Variants in NMUR2 observed in about 807,000 individuals in gnomAD.
The protein encoded by NMUR2 is neuromedin U receptor 2.
In NMUR2, 24 loss-of-function variants were observed where a neutral mutation model predicts 25.1. That is an observed-to-expected ratio of 0.96 (90% CI 0.69 to 1.34). The LOEUF is 1.34. Among genes scored for constraint, NMUR2 ranks in the 40% most tolerant of loss-of-function variants. NMUR2 has a pLI of 0.00. For missense variants in NMUR2, 533 were observed against 512.8 expected (o/e 1.04, Z -0.38); for synonymous variants, 218 against 208.1 (o/e 1.05, Z -0.41).
chr5:152,405,221 G>T lies in NMUR2; in HGVS notation c.-108C>A. 7.6e-7 allele frequency: 1 copy of T among 1,312,976 alleles called. No individual in the cohort carries two copies. The highest frequency in any genetic ancestry group is 1.0e-6 in the Non-Finnish European group (1 of 967,038). 81.3% of individuals were successfully genotyped at this position (1,312,976 alleles called of 1,614,324 possible). A position where few individuals can be genotyped will look rare whatever the true frequency, so the allele number is the denominator to read the frequency against. On this transcript the variant is annotated 5_prime_UTR_variant, in exon 1 of 4. Coordinates refer to ENST00000255262, the MANE Select transcript of NMUR2 (RefSeq NM_020167.5). ...AAAACAAAAAAGAGAAAGCAGTCAC[G>T]AAAGTCACAGGCTTCGTAAGGAAGG...
At chr5:152,394,050 G>A (rs1052232068) in intron 3 of NMUR2, among the ~76,000 whole-genome samples, 3 of 152,056 alleles carry the variant, frequency 2.0e-5, no homozygotes, top group Admixed American at 6.6e-5. Context: ...TAAAAGGGGG[G>A]AGATGGTATC....
intron 1 of NMUR2, among the ~76,000 whole-genome samples, chr5:152,399,730 C>T (rs920754722): frequency 1.3e-5 from 2 of 152,110 alleles, no homozygotes; most frequent in Non-Finnish European, 2.9e-5. Flanking sequence ...GGCTTCTGAA[C>T]TTTTCATGTC....
chr5:152,404,422 AC>A lies in NMUR2; in HGVS notation c.691del (p.Val231SerfsTer13). ...SFLFYLLPMT[V>X]ISVLYYLMAL... ...CATGAGGTAGTAGAGGACACTGATG[AC>A]AGTCATGGGGAGGAGGTAGAATAGG... On this transcript the variant is annotated frameshift_variant, in exon 1 of 4. Transcript: ENST00000255262. LOFTEE classifies it high-confidence loss of function. 6.2e-7 allele frequency: 1 copy of A among 1,614,002 alleles called. No homozygotes were observed. The highest frequency in any genetic ancestry group is 1.1e-5 in the South Asian group (1 of 91,058).
In NMUR2 at chr5:152,397,488, G is replaced by T. The variant is rs1307676866; in HGVS notation, c.811+572C>A. Among the ~76,000 whole-genome samples the T allele has an allele frequency of 2.6e-5, 4 of 152,004 alleles. No individual in the cohort carries two copies. In the East Asian group the frequency reaches 7.7e-4, roughly 29 times the overall value. On this transcript the variant is annotated intron_variant, in intron 2 of 3. Transcript: ENST00000255262. Reference sequence around the variant, plus strand: ...GGCTACTTGGAGATGCTTGCCAGATGTTCTTAACCTGGAACTAAAAGATCC... The same window carrying T: ...GGCTACTTGGAGATGCTTGCCAGATTTTCTTAACCTGGAACTAAAAGATCC...
At chr5:152,399,217 T>A (rs565346982) in intron 1 of NMUR2, among the ~76,000 whole-genome samples, 34 of 152,292 alleles carry the variant, frequency 2.2e-4, no homozygotes, top group South Asian at 2.1e-3. Context: ...TAGTACATAG[T>A]GAATATATAT....
rs1409491903 is a variant in NMUR2, at chr5:152,398,110, C to T, written c.761G>A (p.Gly254Glu). 6.2e-7 allele frequency: 1 copy of T among 1,613,156 alleles called. No individual in the cohort carries two copies. Among genetic ancestry groups the T allele is most frequent in the Non-Finnish European group, 8.5e-7 (1 of 1,179,422 alleles). The change falls in exon 2 of 4, where the codon GGG (glycine) becomes GAG (glutamate). Residue 254 changes from glycine to glutamate, a missense_variant. Physicochemically the swap from Gly to Glu is moderately conservative, Grantham distance 98. Transcript: ENST00000255262. ...KKDKSLEADE[G>E]NANIQRPCRK... ...GCAGGGTCTTTGAATATTTGCATTC[C>T]CTTCATCTGCCTCAAGAGATTTGTC...
intron 1 of NMUR2, among the ~76,000 whole-genome samples, chr5:152,399,717 C>T (rs1231438690): frequency 2.6e-5 from 4 of 152,146 alleles, no homozygotes; most frequent in Non-Finnish European, 5.9e-5. Context: ...CAAGAGCTAG[C>T]TCGGCTTCTG....
At chr5:152,404,041 C>T (rs1244669978) in intron 1 of NMUR2, among the ~76,000 whole-genome samples, 1 of 152,136 alleles carries the variant, frequency 6.6e-6, no homozygotes, top group South Asian at 2.1e-4. Flanking sequence ...TAAAATGAGG[C>T]TCCACCTCAG....
chr5:152,397,994 G>T, intron 2 of NMUR2, 66 bp downstream of exon 2: 1 of 1,100,936 alleles, frequency 9.1e-7, no homozygotes, highest in Non-Finnish European at 1.4e-6. Context: ...GCATTTAGTT[G>T]GTACCAAATG....
Position 152,404,535 on chromosome 5 carries a change from G to A in NMUR2, c.579C>T (p.Pro193=). 1 of 1,614,140 alleles carries A rather than the reference G, an allele frequency of 6.2e-7. No individual in the cohort carries two copies. The change falls in exon 1 of 4, where the codon CCC becomes CCT. Residue 193 remains proline, a synonymous_variant. Coordinates refer to ENST00000255262, the MANE Select transcript of NMUR2 (RefSeq NM_020167.5). ...CCGAACCTGGGACCAGGGACCCATT[G>A]GGGAAGTAGTGGAACTTGATGCCAT... ...SIHGIKFHYF[P]NGSLVPGSAT...
Position 152,404,396 on chromosome 5 carries a change from C to A in NMUR2, c.718G>T (p.Ala240Ser), listed in dbSNP as rs371163777. ...TVISVLYYLM[A>S]LRLKKDKSLE... ...CCAGCCTAGATACTCACTCTGAGTG[C>A]CATGAGGTAGTAGAGGACACTGATG... Residue 240 changes from alanine to serine, a missense_variant, in exon 1 of 4, where the codon GCA (alanine) becomes TCA (serine). By Grantham distance (99) the Ala-to-Ser change is moderately conservative. Transcript: ENST00000255262. 9.9e-6 allele frequency: 16 copies of A among 1,610,716 alleles called. No homozygotes were observed. The highest frequency in any genetic ancestry group is 1.2e-5 in the Non-Finnish European group (14 of 1,177,856).
chr5:152,404,505 G>A lies in NMUR2; in HGVS notation c.609C>T (p.Thr203=). 6.2e-7 allele frequency: 1 copy of A among 1,614,156 alleles called. No homozygotes were observed. The highest frequency in any genetic ancestry group is 8.5e-7 in the Non-Finnish European group (1 of 1,180,014). Residue 203 remains threonine, a synonymous_variant, in exon 1 of 4, where the codon ACC becomes ACT. Coordinates refer to ENST00000255262, the MANE Select transcript of NMUR2 (RefSeq NM_020167.5). ...PNGSLVPGSA[T]CTVIKPMWIY... Reference sequence around the variant, plus strand: ...TCCACATGGGCTTGATGACCGTACAGGTGGCCGAACCTGGGACCAGGGACC... The same window carrying A: ...TCCACATGGGCTTGATGACCGTACAAGTGGCCGAACCTGGGACCAGGGACC...
rs372472624 is a variant in NMUR2 at position 152,392,449 on chromosome 5, C to G, written c.990G>C (p.Leu330=). The G allele has an allele frequency of 6.2e-7, 1 of 1,613,954 alleles. No individual in the cohort carries two copies. Among genetic ancestry groups the G allele is most frequent in the Non-Finnish European group, 8.5e-7 (1 of 1,179,912 alleles). ...GGAATGCTGCCTGGAAGCGGCGAGA[C>G]AGTAGGTTATAGATAATGGGGTTGA... ...SAVNPIIYNL[L]SRRFQAAFQN... The change falls in exon 4 of 4, where the codon CTG becomes CTC. Residue 330 remains leucine (L), a synonymous_variant. Transcript: ENST00000255262.
chr5:152,395,648 C>T lies in NMUR2; in HGVS notation c.812-64G>A, dbSNP rs550450369. 1.2e-3 allele frequency: 1,809 copies of T among 1,551,936 alleles called. 1 individual carries two copies. Among genetic ancestry groups the T allele is most frequent in the Non-Finnish European group, 1.5e-3 (1,700 of 1,141,818 alleles). On this transcript the variant is annotated intron_variant, in intron 2 of 3. Transcript: ENST00000255262. ...TGTGCAAGGATAGGTATACAATGCTCACTCTGAGTCAATCATTTCTTCTGG... is the reference window on the plus strand; with the variant it reads ...TGTGCAAGGATAGGTATACAATGCTTACTCTGAGTCAATCATTTCTTCTGG...
rs371229738 is a variant in NMUR2 at position 152,405,144 on chromosome 5, C to T, written c.-31G>A. ...TCCAAGGCCTGAGCCTCCCCTGGTA[C>T]GAGGCTCTGTTTCAAGCTGAGCCAG... On this transcript the variant is annotated 5_prime_UTR_variant, in exon 1 of 4. Transcript: ENST00000255262. The T allele has an allele frequency of 4.0e-5, 61 of 1,514,262 alleles. No homozygotes were observed. Among genetic ancestry groups the T allele is most frequent in the African/African-American group, 5.8e-5 (4 of 68,662 alleles). 93.8% of individuals were successfully genotyped at this position (1,514,262 alleles called of 1,614,324 possible). A position where few individuals can be genotyped will look rare whatever the true frequency, so the allele number is the denominator to read the frequency against.
intron 3 of NMUR2, among the ~76,000 whole-genome samples, chr5:152,393,084 T>C (rs947533152): frequency 2.6e-5 from 4 of 152,240 alleles, no homozygotes; most frequent in African/African-American, 9.6e-5. Flanking sequence ...CTTCACATTG[T>C]CATTTTCCTG....
rs927471968 is a variant in NMUR2 at position 152,405,221 on chromosome 5, G to C, written c.-108C>G. 3.8e-6 allele frequency: 5 copies of C among 1,312,868 alleles called. No homozygotes were observed. Among genetic ancestry groups the C allele is most frequent in the Middle Eastern group, 2.7e-4 (1 of 3,648 alleles). 81.3% of individuals were successfully genotyped at this position (1,312,868 alleles called of 1,614,324 possible). On this transcript the variant is annotated 5_prime_UTR_variant, in exon 1 of 4. Transcript: ENST00000255262. ...AAAACAAAAAAGAGAAAGCAGTCAC[G>C]AAAGTCACAGGCTTCGTAAGGAAGG... is the stretch of plus-strand genomic sequence containing the variant.
chr5:152,404,834 C>T lies in NMUR2; in HGVS notation c.280G>A (p.Val94Ile). 1.2e-6 allele frequency: 2 copies of T among 1,614,010 alleles called. No individual in the cohort carries two copies. Among genetic ancestry groups the T allele is most frequent in the African/African-American group, 2.7e-5 (2 of 74,980 alleles). The change falls in exon 1 of 4, where the codon GTC becomes ATC. Residue 94 changes from valine to isoleucine, a missense_variant. Val to Ile is a conservative substitution (Grantham distance 29). Transcript: ENST00000255262. Reference protein sequence around the residue: ...LFSLAVSDLLVLLLGMPLEVY... With the variant: ...LFSLAVSDLLILLLGMPLEVY... ...TCCAGGGGCATTCCAAGGAGCAGGA[C>T]CAGGAGGTCAGAGACCGCCAGGCTG... is the stretch of plus-strand genomic sequence containing the variant.
At chr5:152,394,844 C>CTT (rs34269811) in intron 3 of NMUR2, among the ~76,000 whole-genome samples, 5 of 103,180 alleles carry the variant, frequency 4.8e-5, no homozygotes, top group African/African-American at 2.0e-4. Context: ...GTACAGGAGG[C>CTT]TTTTTTTTTT....
Sources: allele counts gnomAD v4.1 joint callset (sites outside exome capture counted in the v4.1 genomes callset), GRCh38; gene constraint gnomAD v4.1.1; transcripts MANE v1.5; gene names NCBI Gene and HGNC (gene_info 2026-07-23, HGNC 2026-07-21).